The following PRKN variants were observed in gnomAD, a reference collection of about 807,000 sequenced individuals.
PRKN encodes the protein parkin RBR E3 ubiquitin protein ligase.
PRKN carries 56 observed loss-of-function variants against 59.5 expected under a neutral mutation model. That is an observed-to-expected ratio of 0.94 (90% CI 0.76 to 1.18). PRKN has a LOEUF of 1.18. Ranked by LOEUF, PRKN falls within the 50% of genes most tolerant of loss-of-function variation. The probability of loss-of-function intolerance (pLI) is 0.00; values close to 1 mark genes in which losing one functional copy is unlikely to be tolerated. For synonymous variants in PRKN, 250 were observed against 222.1 expected (o/e 1.13, Z -1.12); for missense variants, 657 against 596.4 (o/e 1.10, Z -1.06).
At chr6:162,672,253 G>T (rs1282659995) in intron 1 of PRKN, among the ~76,000 whole-genome samples, 1 of 152,076 alleles carries the variant, frequency 6.6e-6, no homozygotes, top group Non-Finnish European at 1.5e-5. Flanking sequence ...AACCAAAAAG[G>T]TGCTTCCTGG....
At chr6:161,837,195 C>A (rs529538385) in intron 6 of PRKN, among the ~76,000 whole-genome samples, 2 of 152,146 alleles carry the variant, frequency 1.3e-5, no homozygotes, top group Non-Finnish European at 2.9e-5. Flanking sequence ...CTTTAAGCAT[C>A]CTTCAGCTTT....
intron 6 of PRKN, among the ~76,000 whole-genome samples, chr6:161,953,916 G>C (rs1307029106): frequency 6.6e-6 from 1 of 152,062 alleles, no homozygotes; most frequent in African/African-American, 2.4e-5. Context: ...CAAAACCTGG[G>C]CTTGAGACCC....
In PRKN at chr6:161,510,421, G is replaced by A. The variant is rs532229923; in HGVS notation, c.1083+38433C>T. Among the ~76,000 whole-genome samples, 3 of 152,260 alleles carry A rather than the reference G, an allele frequency of 2.0e-5. No individual in the cohort carries two copies. In the South Asian group the frequency reaches 6.2e-4, roughly 32 times the overall value. The stretch of plus-strand genomic sequence containing the variant: ...CCTGAGGTCGCCAGTGAGGCATCGT[G>A]AAGTGTGACTGTCCCTGAGATCCCC... On this transcript the variant is annotated intron_variant, in intron 9 of 11. Transcript: ENST00000366898.
chr6:162,390,945 T>G (rs1325718322), intron 2 of PRKN, among the ~76,000 whole-genome samples: 1 of 152,152 alleles, frequency 6.6e-6, no homozygotes, highest in Non-Finnish European at 1.5e-5. Flanking sequence ...TTAACGTAAG[T>G]CAAATATTTG....
intron 4 of PRKN, among the ~76,000 whole-genome samples, chr6:162,097,053 T>C (rs1779773842): frequency 6.6e-6 from 1 of 151,894 alleles, no homozygotes; most frequent in Non-Finnish European, 1.5e-5. Context: ...ATTATTTGTG[T>C]TTTTAGTAGA....
chr6:162,088,285 C>T (rs1779337618), intron 4 of PRKN, among the ~76,000 whole-genome samples: 1 of 152,148 alleles, frequency 6.6e-6, no homozygotes. Flanking sequence ...GAGCTAGGGT[C>T]ATCACGTGAC....
At chr6:162,691,545 GA>G (rs919275848) in intron 1 of PRKN, among the ~76,000 whole-genome samples, 25 of 151,192 alleles carry the variant, frequency 1.7e-4, no homozygotes, top group African/African-American at 6.1e-4. Context: ...GATATCCAAA[GA>G]AAAAAAAGGT....
chr6:161,530,706 C>A lies in PRKN; in HGVS notation c.1083+18148G>T, dbSNP rs1562507615. 6.6e-6 allele frequency among the ~76,000 whole-genome samples: 1 copy of A among 151,598 alleles called. No homozygotes were observed. The highest frequency in any genetic ancestry group is 1.5e-5 in the Non-Finnish European group (1 of 67,922). ...AATTTTTTTCTATTTTTAGTGGAGACGGGGTTTCTCTATGTTGGTCAGGCC... is the reference window on the plus strand; with the variant it reads ...AATTTTTTTCTATTTTTAGTGGAGAAGGGGTTTCTCTATGTTGGTCAGGCC... On this transcript the variant is annotated intron_variant, in intron 9 of 11. Coordinates refer to ENST00000366898, the MANE Select transcript of PRKN (RefSeq NM_004562.3). The surrounding 1 kb of genome is among the most constrained non-coding windows in gnomAD (Gnocchi z 5.0).
rs73021251 is a variant in PRKN, at chr6:161,356,688, G to T, written c.1285+3400C>A. 6.6e-6 allele frequency among the ~76,000 whole-genome samples: 1 copy of T among 152,164 alleles called. No individual in the cohort carries two copies. The highest frequency in any genetic ancestry group is 2.1e-4 in the South Asian group (1 of 4,826). On this transcript the variant is annotated intron_variant, in intron 11 of 11. Coordinates refer to ENST00000366898, the MANE Select transcript of PRKN (RefSeq NM_004562.3). This position sits in a 1 kb window ranked among gnomAD's most constrained non-coding sequence, Gnocchi z 7.8. ...AATGAAGGATGAGCTTTAGCTTAGC[G>T]GCTTGAGGAACTGGGCGGTGCTGTT...
At chr6:162,168,095 C>G (rs996641642) in intron 4 of PRKN, among the ~76,000 whole-genome samples, 4 of 151,828 alleles carry the variant, frequency 2.6e-5, no homozygotes, top group African/African-American at 9.7e-5. Context: ...AATTCAAGGG[C>G]CATTATAAGA....
intron 1 of PRKN, among the ~76,000 whole-genome samples, chr6:162,653,002 CTA>C (rs1245805061): frequency 1.3e-5 from 2 of 152,058 alleles, no homozygotes; most frequent in East Asian, 1.9e-4. Flanking sequence ...TTTAGAAACT[CTA>C]TGTGATAATT....
At chr6:161,805,129 T>C (rs1413549721) in intron 6 of PRKN, among the ~76,000 whole-genome samples, 1 of 152,188 alleles carries the variant, frequency 6.6e-6, no homozygotes, top group Non-Finnish European at 1.5e-5. Flanking sequence ...GGGAGGCTTC[T>C]GAATACAGTC....
At chr6:162,708,108 G>A (rs1778400236) in intron 1 of PRKN, among the ~76,000 whole-genome samples, 1 of 152,122 alleles carries the variant, frequency 6.6e-6, no homozygotes, top group Non-Finnish European at 1.5e-5. Flanking sequence ...TTATGGCTCT[G>A]ATAAACATAA....
At chr6:161,777,693 T>C (rs1411076298) in intron 7 of PRKN, among the ~76,000 whole-genome samples, 35 of 141,842 alleles carry the variant, frequency 2.5e-4, no homozygotes, top group Admixed American at 2.1e-3. Flanking sequence ...AATATATATA[T>C]ACACAATATA....
chr6:162,031,711 G>A (rs1366580156), intron 5 of PRKN, among the ~76,000 whole-genome samples: 2 of 151,744 alleles, frequency 1.3e-5, no homozygotes, highest in African/African-American at 2.4e-5. Context: ...TGTATTTTTA[G>A]TAGACACAAG....
chr6:161,432,384 C>T (rs1475054579), intron 9 of PRKN, among the ~76,000 whole-genome samples: 8 of 114,200 alleles, frequency 7.0e-5, no homozygotes, highest in East Asian at 2.6e-4. Flanking sequence ...TTTTTTGAGA[C>T]GAAGTCTCAC....
intron 1 of PRKN, among the ~76,000 whole-genome samples, chr6:162,666,507 G>C (rs544759760): frequency 4.8e-4 from 73 of 152,176 alleles, no homozygotes; most frequent in Non-Finnish European, 8.7e-4. Context: ...AGTCCTAGGA[G>C]AGCGAAATGT....
At chr6:162,434,880 C>T (rs1471175835) in intron 2 of PRKN, among the ~76,000 whole-genome samples, 1 of 152,126 alleles carries the variant, frequency 6.6e-6, no homozygotes, top group Non-Finnish European at 1.5e-5. Context: ...AGGCTTGTTA[C>T]AATGACTTAG....
At chr6:161,699,737 G>A (rs950449365) in intron 7 of PRKN, among the ~76,000 whole-genome samples, 1 of 152,110 alleles carries the variant, frequency 6.6e-6, no homozygotes, top group Admixed American at 6.6e-5. Flanking sequence ...CAGAGGAAGG[G>A]ATTACAAAGG....
Sources: allele counts gnomAD v4.1 joint callset (sites outside exome capture counted in the v4.1 genomes callset), GRCh38; gene constraint gnomAD v4.1.1; non-coding constraint Gnocchi (gnomAD v3.1); transcripts MANE v1.5; gene names NCBI Gene and HGNC (gene_info 2026-07-23, HGNC 2026-07-21).